Variants in CCDC178 observed in about 807,000 individuals in gnomAD.
CCDC178 encodes coiled-coil domain-containing protein 178.
In CCDC178, 126 loss-of-function variants were observed where a neutral mutation model predicts 117.4. That is an observed-to-expected ratio of 1.07 (90% CI 0.93 to 1.24). The LOEUF is 1.24. Ranked by LOEUF, CCDC178 falls within the 50% of genes most tolerant of loss-of-function variation. The probability of loss-of-function intolerance (pLI) is 0.00; values close to 1 mark genes in which losing one functional copy is unlikely to be tolerated. For synonymous variants in CCDC178, 283 were observed against 313.4 expected (o/e 0.90, Z 1.02); for missense variants, 1,030 against 986.9 (o/e 1.04, Z -0.59).
At chr18:33,250,172 T>C (rs546512798) in intron 14 of CCDC178, among the ~76,000 whole-genome samples, 2 of 151,856 alleles carry the variant, frequency 1.3e-5, no homozygotes, top group Non-Finnish European at 2.9e-5. Flanking sequence ...TCAACAAATA[T>C]ATGTATTGAT....
intron 20 of CCDC178, among the ~76,000 whole-genome samples, chr18:33,123,748 C>T (rs1425841563): frequency 2.0e-5 from 3 of 152,058 alleles, no homozygotes; most frequent in Admixed American, 2.0e-4. Flanking sequence ...TGAGATGAGC[C>T]TTGTTGCCAA....
intron 22 of CCDC178, among the ~76,000 whole-genome samples, chr18:32,942,506 G>T (rs996345630): frequency 1.1e-4 from 16 of 151,958 alleles, no homozygotes; most frequent in African/African-American, 3.9e-4. Context: ...CCATAAGTCA[G>T]AGCACAAGAG....
At chr18:33,346,830 A>G (rs2062901235) in intron 8 of CCDC178, among the ~76,000 whole-genome samples, 1 of 152,196 alleles carries the variant, frequency 6.6e-6, no homozygotes, top group South Asian at 2.1e-4. Flanking sequence ...CCTAGAAACA[A>G]GACATATTCT....
chr18:33,103,797 G>C (rs1350901129), intron 20 of CCDC178, among the ~76,000 whole-genome samples: 1 of 151,658 alleles, frequency 6.6e-6, no homozygotes, highest in African/African-American at 2.4e-5. Flanking sequence ...ACTTCTGTTG[G>C]GGGGCTCAGA....
At chr18:32,987,651 T>G (rs1473026164) in intron 21 of CCDC178, among the ~76,000 whole-genome samples, 1 of 152,180 alleles carries the variant, frequency 6.6e-6, no homozygotes, top group Admixed American at 6.6e-5. Flanking sequence ...GTATAAAATC[T>G]TATGAGATCA....
At chr18:32,970,606 TGCA>T (rs1195523014) in intron 22 of CCDC178, among the ~76,000 whole-genome samples, 1 of 152,082 alleles carries the variant, frequency 6.6e-6, no homozygotes, top group East Asian at 1.9e-4. Context: ...CATTGATACC[TGCA>T]GATTCACTCC....
rs7233538 is a variant in CCDC178 at position 33,064,616 on chromosome 18, C to T, written c.2388+28145G>A. Among the ~76,000 whole-genome samples the T allele has an allele frequency of 4.3e-3, 662 of 152,190 alleles. 5 individuals are homozygous for T. The highest frequency in any genetic ancestry group is 0.015 in the African/African-American group (634 of 41,520). On this transcript the variant is annotated intron_variant, in intron 21 of 22. Transcript: ENST00000383096. Reference sequence around the variant, plus strand: ...GGAGAATGCTTACACACTGTTAGAGCAATTGTAAGTTAGGACAGCTGCTGT... The same window carrying T: ...GGAGAATGCTTACACACTGTTAGAGTAATTGTAAGTTAGGACAGCTGCTGT...
chr18:33,223,749 T>G (rs2059267754), intron 17 of CCDC178, among the ~76,000 whole-genome samples: 1 of 152,140 alleles, frequency 6.6e-6, no homozygotes, highest in Non-Finnish European at 1.5e-5. Context: ...ACAACCTCAC[T>G]TAGGCTTTTG....
At chr18:33,114,625 G>C (rs1240526409) in intron 20 of CCDC178, among the ~76,000 whole-genome samples, 1 of 152,012 alleles carries the variant, frequency 6.6e-6, no homozygotes, top group Non-Finnish European at 1.5e-5. Context: ...CAATTATCTT[G>C]TGTTAAATTC....
chr18:33,076,344 G>A (rs1216793288), intron 21 of CCDC178, among the ~76,000 whole-genome samples: 1 of 152,152 alleles, frequency 6.6e-6, no homozygotes, highest in African/African-American at 2.4e-5. Flanking sequence ...AAGAAGATCG[G>A]TCTTCACACT....
At chr18:33,353,387 T>C (rs1157364551) in intron 7 of CCDC178, among the ~76,000 whole-genome samples, 1 of 152,158 alleles carries the variant, frequency 6.6e-6, no homozygotes, top group Non-Finnish European at 1.5e-5. Context: ...GAGAGTTTAA[T>C]CCATTTATAT....
At chr18:33,078,607 A>G (rs2057248824) in intron 21 of CCDC178, among the ~76,000 whole-genome samples, 2 of 152,232 alleles carry the variant, frequency 1.3e-5, no homozygotes, top group Non-Finnish European at 2.9e-5. Flanking sequence ...ATAAATGTAC[A>G]AAAATCAGTG....
chr18:33,370,796 C>G (rs916134480), intron 5 of CCDC178, among the ~76,000 whole-genome samples: 5 of 151,974 alleles, frequency 3.3e-5, no homozygotes, highest in African/African-American at 9.7e-5. Flanking sequence ...TCAAGCTGTA[C>G]TCATCATAAA....
intron 19 of CCDC178, among the ~76,000 whole-genome samples, chr18:33,214,906 C>A (rs1456471886): frequency 2.0e-5 from 3 of 151,792 alleles, no homozygotes; most frequent in Admixed American, 6.6e-5. Context: ...CTAAATGTGG[C>A]CAGTGCATGT....
intron 20 of CCDC178, among the ~76,000 whole-genome samples, chr18:33,149,187 G>GA (rs1214588794): frequency 6.6e-6 from 1 of 152,122 alleles, no homozygotes; most frequent in African/African-American, 2.4e-5. Flanking sequence ...TACTCTATGG[G>GA]AAAAATCCAC....
intron 18 of CCDC178, among the ~76,000 whole-genome samples, chr18:33,220,519 T>C (rs927838417): frequency 7.2e-5 from 11 of 152,052 alleles, no homozygotes; most frequent in Non-Finnish European, 1.5e-4. Flanking sequence ...ATAGTAGGTA[T>C]TGGCATGCAT....
At chr18:33,414,981 C>G (rs2063913355) in intron 2 of CCDC178, among the ~76,000 whole-genome samples, 1 of 152,144 alleles carries the variant, frequency 6.6e-6, no homozygotes, top group African/African-American at 2.4e-5. Flanking sequence ...CAGAGAAATG[C>G]AAATCAAAAC....
intron 21 of CCDC178, among the ~76,000 whole-genome samples, chr18:33,012,734 C>T (rs1327852056): frequency 2.6e-5 from 4 of 152,112 alleles, no homozygotes; most frequent in African/African-American, 9.7e-5. Flanking sequence ...TGCTTATAAT[C>T]AAGATAATCT....
chr18:33,324,570 CTCTT>C (rs1390748122), intron 10 of CCDC178, among the ~76,000 whole-genome samples: 1 of 151,902 alleles, frequency 6.6e-6, no homozygotes, highest in Non-Finnish European at 1.5e-5. Flanking sequence ...TGTTCCAAAA[CTCTT>C]TCCAGCATTT....
Sources: allele counts gnomAD v4.1 joint callset (sites outside exome capture counted in the v4.1 genomes callset), GRCh38; gene constraint gnomAD v4.1.1; transcripts MANE v1.5; gene names NCBI Gene and HGNC (gene_info 2026-07-23, HGNC 2026-07-21).